The following TNFRSF1B variants were observed in gnomAD, a reference collection of about 807,000 sequenced individuals.
The protein encoded by TNFRSF1B is TNF receptor superfamily member 1B.
Under a neutral mutation model 44.6 loss-of-function variants are expected in TNFRSF1B, and 19 were observed. That is an observed-to-expected ratio of 0.43 (90% confidence interval 0.30 to 0.62). TNFRSF1B has a LOEUF of 0.62. Ranked by LOEUF, TNFRSF1B falls within the 20% of genes least tolerant of loss-of-function variation. TNFRSF1B has a pLI of 0.16. For missense variants in TNFRSF1B, 541 were observed against 619.9 expected, an observed-to-expected ratio of 0.87 and a Z score of 1.35; for synonymous variants, 252 against 261.1, an observed-to-expected ratio of 0.97 and a Z score of 0.34.
chr1:12,200,055 C>A (rs1286254361), intron 8 of TNFRSF1B, among the ~76,000 whole-genome samples: 3 of 152,136 alleles, frequency 2.0e-5, no homozygotes, highest in African/African-American at 7.2e-5. Context: ...AGAGTTGAAA[C>A]CCCAGACACC....
rs575971540 is a variant in TNFRSF1B, at chr1:12,169,534, C to T, written c.78+2365C>T. On this transcript the variant is annotated intron_variant, in intron 1 of 9. Coordinates refer to ENST00000376259, the MANE Select transcript of TNFRSF1B (RefSeq NM_001066.3). The surrounding 1 kb of genome is among the most constrained non-coding windows in gnomAD (Gnocchi z 4.5). ...CAAGCTCCTTTCACTGCACCCTCCCCGTGCCCGTATCTGCACTCATGCTCC... is the reference window on the plus strand; with the variant it reads ...CAAGCTCCTTTCACTGCACCCTCCCTGTGCCCGTATCTGCACTCATGCTCC... 7.9e-5 allele frequency among the ~76,000 whole-genome samples: 12 copies of T among 152,306 alleles called. No homozygotes were observed. The highest frequency in any genetic ancestry group is 1.0e-4 in the Non-Finnish European group (7 of 68,040).
In TNFRSF1B at chr1:12,188,881, G is replaced by A; in HGVS notation, c.164G>A (p.Ser55Asn). ...YYDQTAQMCC[S>N]KCSPGQHAKV... ...GACCAGACAGCTCAGATGTGCTGCA[G>A]CAAATGCTCGCCGGGTGAGGGCAGC... Residue 55 changes from serine (S) to asparagine (N), a missense_variant, in exon 2 of 10, where the codon AGC (serine) becomes AAC (asparagine). Physicochemically the swap from Ser to Asn is conservative, Grantham distance 46. Coordinates refer to ENST00000376259, the MANE Select transcript of TNFRSF1B (RefSeq NM_001066.3). The A allele has an allele frequency of 6.2e-7, 1 of 1,613,490 alleles. No individual in the cohort carries two copies. Among genetic ancestry groups the A allele is most frequent in the Non-Finnish European group, 8.5e-7 (1 of 1,179,814 alleles).
rs1389613426 is a variant in TNFRSF1B at position 12,171,699 on chromosome 1, A to AGCT, written c.78+4532_78+4534dup. ...TTCTTTGTTGTGGGGCTGTCCCGTG[A>AGCT]GCTGTAGGATGTTTAGCGACATCCC... is the stretch of plus-strand genomic sequence containing the variant. On this transcript the variant is annotated intron_variant, in intron 1 of 9. Transcript: ENST00000376259. This position sits in a 1 kb window ranked among gnomAD's most constrained non-coding sequence, Gnocchi z 4.5. Among the ~76,000 whole-genome samples, 1 of 152,086 alleles carries AGCT rather than the reference A, an allele frequency of 6.6e-6. No individual in the cohort carries two copies. Among genetic ancestry groups the AGCT allele is most frequent in the African/African-American group, 2.4e-5 (1 of 41,378 alleles).
chr1:12,184,949 C>G (rs140530451), intron 1 of TNFRSF1B, among the ~76,000 whole-genome samples: 2 of 152,116 alleles, frequency 1.3e-5, no homozygotes, highest in East Asian at 1.9e-4. Flanking sequence ...CTCAGGGATG[C>G]GATCTGAGGG....
intron 1 of TNFRSF1B, among the ~76,000 whole-genome samples, chr1:12,172,105 G>A (rs1217622099): frequency 6.6e-6 from 1 of 152,090 alleles, no homozygotes; most frequent in Non-Finnish European, 1.5e-5. Context: ...ACTCACTGAC[G>A]GTGACTCAGG....
At chr1:12,183,736 T>TCTAGCTAGCTAGCTAGCTAG (rs1557629186) in intron 1 of TNFRSF1B, among the ~76,000 whole-genome samples, 1 of 126,552 alleles carries the variant, frequency 7.9e-6, no homozygotes, top group African/African-American at 2.8e-5. Flanking sequence ...TATCTATCTA[T>TCTAGCTAGCTAGCTAGCTAG]CTATCTATCT....
intron 1 of TNFRSF1B, among the ~76,000 whole-genome samples, chr1:12,172,699 C>A (rs1272025096): frequency 1.3e-5 from 2 of 152,220 alleles, no homozygotes; most frequent in African/African-American, 4.8e-5. Context: ...CCCCAGTGCC[C>A]CCTGGCTGGG....
chr1:12,190,919 G>C (rs770651649), intron 2 of TNFRSF1B, 38 bp from the exon 3 acceptor site: 1 of 1,603,460 alleles, frequency 6.2e-7, no homozygotes, highest in Non-Finnish European at 8.5e-7. Context: ...CTGGCAGAAG[G>C]CTCGCCCAGC....
At chr1:12,167,759 C>T (rs1324250235) in intron 1 of TNFRSF1B, among the ~76,000 whole-genome samples, 1 of 152,176 alleles carries the variant, frequency 6.6e-6, no homozygotes, top group African/African-American at 2.4e-5. Context: ...CTGCTTCCTC[C>T]GATGCGTCCG....
intron 1 of TNFRSF1B, among the ~76,000 whole-genome samples, chr1:12,183,718 T>C (rs1638889047): frequency 9.2e-6 from 1 of 108,158 alleles, no homozygotes; most frequent in Non-Finnish European, 2.1e-5. Context: ...CTATTCTATC[T>C]ACCTATCTAT....
In TNFRSF1B at chr1:12,202,035, G is replaced by A. The variant is rs77990239; in HGVS notation, c.969G>A (p.Ala323=). ...GPEQQHLLIT[A]PSSSSSSLES... is the part of the protein sequence containing the mutation. ...AGCAGCAGCACCTGCTGATCACAGCGCCGAGCTCCAGCAGCAGCTCCCTGG... is the reference window on the plus strand; with the variant it reads ...AGCAGCAGCACCTGCTGATCACAGCACCGAGCTCCAGCAGCAGCTCCCTGG... Residue 323 remains alanine, a synonymous_variant, in exon 9 of 10, where the codon GCG becomes GCA. Coordinates refer to ENST00000376259, the MANE Select transcript of TNFRSF1B (RefSeq NM_001066.3). 1.2e-6 allele frequency: 2 copies of A among 1,611,940 alleles called. No homozygotes were observed. The highest frequency in any genetic ancestry group is 1.7e-5 in the Admixed American group (1 of 59,840).
chr1:12,203,441 T>TTGCCTGCACTCA (rs1639435631), intron 9 of TNFRSF1B, among the ~76,000 whole-genome samples: 1 of 152,138 alleles, frequency 6.6e-6, no homozygotes, highest in African/African-American at 2.4e-5. Flanking sequence ...CCCCTGCCTC[T>TTGCCTGCACTCA]TGCCTGCACT....
At chr1:12,204,279 A>G (rs1320173564) in intron 9 of TNFRSF1B, among the ~76,000 whole-genome samples, 5 of 151,812 alleles carry the variant, frequency 3.3e-5, no homozygotes, top group African/African-American at 1.2e-4. Flanking sequence ...CCACCCCCGC[A>G]ATGTCTCATG....
chr1:12,183,670 A>ATCTATCTATCTATCTAT (rs1553163397), intron 1 of TNFRSF1B, among the ~76,000 whole-genome samples: 7 of 119,736 alleles, frequency 5.8e-5, no homozygotes, highest in Non-Finnish European at 9.5e-5. Flanking sequence ...CTATCTATCT[A>ATCTATCTATCTATCTAT]TCTATCTATC....
Position 12,193,940 on chromosome 1 carries a change from CTCT to C in TNFRSF1B, c.788-13_788-11del, listed in dbSNP as rs1639208855. The C allele has an allele frequency of 6.2e-7, 1 of 1,611,194 alleles. No individual in the cohort carries two copies. Among genetic ancestry groups the C allele is most frequent in the Non-Finnish European group, 8.5e-7 (1 of 1,177,642 alleles). ...TTGTTTTCTGTAGCTGTCTGAGCTT[CTCT>C]TTTCTTTCTAGGACTGATTGTGGGT... On this transcript the variant is annotated splice_polypyrimidine_tract_variant and intron_variant, in intron 6 of 9. Coordinates refer to ENST00000376259, the MANE Select transcript of TNFRSF1B (RefSeq NM_001066.3).
At chr1:12,192,593 G>A in intron 5 of TNFRSF1B, 69 bp downstream of exon 5, 1 of 1,461,958 alleles carries the variant, frequency 6.8e-7, no homozygotes, top group East Asian at 2.3e-5. Flanking sequence ...GTGGGTCCAG[G>A]ACACAGAGCA....
Position 12,191,131 on chromosome 1 carries a change from A to G in TNFRSF1B, c.307+46A>G, listed in dbSNP as rs878969562. ...AGGGGGCCCTTACACCCCTGCCTCC[A>G]ACTTCCCCCGGCAACTCCAGCCTCT... On this transcript the variant is annotated intron_variant, in intron 3 of 9. Coordinates refer to ENST00000376259, the MANE Select transcript of TNFRSF1B (RefSeq NM_001066.3). The G allele has an allele frequency of 5.6e-6, 9 of 1,597,166 alleles. No individual in the cohort carries two copies. The South Asian group carries it at 8.9e-5, about 16-fold the overall frequency.
rs530723495 is a variant in TNFRSF1B at position 12,169,055 on chromosome 1, G to A, written c.78+1886G>A. Among the ~76,000 whole-genome samples, 29 of 152,290 alleles carry A rather than the reference G, an allele frequency of 1.9e-4. No individual in the cohort carries two copies. In the South Asian group the frequency reaches 5.8e-3, roughly 30 times the overall value. On this transcript the variant is annotated intron_variant, in intron 1 of 9. Transcript: ENST00000376259. This position sits in a 1 kb window ranked among gnomAD's most constrained non-coding sequence, Gnocchi z 4.5. ...ATTGTCCGTGCCATCCCCTCTCCAA[G>A]GGACACTTCTTACCCCTATCCTTCA...
intron 1 of TNFRSF1B, among the ~76,000 whole-genome samples, chr1:12,182,343 T>A (rs1016865507): frequency 6.6e-6 from 1 of 152,160 alleles, no homozygotes; most frequent in Non-Finnish European, 1.5e-5. Flanking sequence ...TGCCCTGACC[T>A]CCTGACCAAG....
Sources: gnomAD v4.1 joint callset for allele counts (sites outside exome capture counted in the v4.1 genomes callset) on GRCh38, gnomAD v4.1.1 for gene constraint, Gnocchi (gnomAD v3.1) non-coding constraint, MANE v1.5 for transcripts, NCBI Gene and HGNC (gene_info 2026-07-23, HGNC 2026-07-21) for gene names.